The following RBKS variants were observed in gnomAD, a reference collection of about 807,000 sequenced individuals.
RBKS encodes the protein ribokinase.
Under a neutral mutation model 33.9 loss-of-function variants are expected in RBKS, and 33 were observed. The observed-to-expected ratio is 0.97, with a 90% CI of 0.74 to 1.30. The LOEUF (loss-of-function observed/expected upper bound fraction) is 1.30. Among genes scored for constraint, RBKS ranks in the 50% most tolerant of loss-of-function variants. RBKS has a pLI of 0.00. For missense variants in RBKS, 361 were observed against 392.6 expected (o/e 0.92, Z 0.68); for synonymous variants, 125 against 143.0 (o/e 0.87, Z 0.90).
intron 7 of RBKS, among the ~76,000 whole-genome samples, chr2:27,789,900 AGTGT>A (rs1029819436): frequency 1.1e-4 from 13 of 118,040 alleles, no homozygotes; most frequent in Admixed American, 3.3e-4. Flanking sequence ...GTGTGTATAG[AGTGT>A]GTGTGTGTGT....
At chr2:27,865,553 C>T (rs923609544) in intron 1 of RBKS, among the ~76,000 whole-genome samples, 1 of 149,150 alleles carries the variant, frequency 6.7e-6, no homozygotes. Flanking sequence ...TTATATTCTA[C>T]CTTCCCTTCT....
chr2:27,789,929 A>C (rs527351179), intron 7 of RBKS, among the ~76,000 whole-genome samples: 10 of 135,080 alleles, frequency 7.4e-5, no homozygotes, highest in Non-Finnish European at 1.1e-4. Context: ...GTGTGTGTAT[A>C]TATATATATA....
At chr2:27,860,794 C>T (rs1403044450) in intron 1 of RBKS, among the ~76,000 whole-genome samples, 1 of 152,200 alleles carries the variant, frequency 6.6e-6, no homozygotes, top group Non-Finnish European at 1.5e-5. Context: ...CCTTCCCCTA[C>T]TCTTGTCTCT....
intron 1 of RBKS, among the ~76,000 whole-genome samples, chr2:27,885,772 AG>A (rs1198471087): frequency 5.3e-5 from 8 of 152,210 alleles, no homozygotes; most frequent in African/African-American, 1.9e-4. Context: ...AAACTTCATG[AG>A]GCAGGGATTT....
rs1357104732 is a variant in RBKS at position 27,890,313 on chromosome 2, C to A, written c.33G>T (p.Trp11Cys). The change falls in exon 1 of 8, where the codon TGG becomes TGT. Residue 11 changes from tryptophan to cysteine, a missense_variant. Physicochemically the swap from Trp to Cys is radical, Grantham distance 215 (BLOSUM62 -2). Coordinates refer to ENST00000302188, the MANE Select transcript of RBKS (RefSeq NM_022128.3). The surrounding 1 kb of genome is among the most constrained non-coding windows in gnomAD (Gnocchi z 4.8). The part of the protein sequence containing the change: MAASGEPQRQ[W>C]QEEVAAVVVV... ...CTACCACCGCCGCCACCTCCTCTTG[C>A]CACTGCCTCTGGGGTTCCCCAGACG... 2 of 1,613,858 alleles carry A rather than the reference C, an allele frequency of 1.2e-6. No individual in the cohort carries two copies. Among genetic ancestry groups the A allele is most frequent in the Admixed American group, 3.3e-5 (2 of 60,024 alleles).
intron 2 of RBKS, among the ~76,000 whole-genome samples, chr2:27,855,010 T>C (rs1218121971): frequency 1.3e-5 from 2 of 152,186 alleles, no homozygotes; most frequent in East Asian, 3.9e-4. Flanking sequence ...TAAAATGCTC[T>C]TAAGAAGGTA....
intron 1 of RBKS, among the ~76,000 whole-genome samples, chr2:27,884,103 G>A (rs1349835580): frequency 6.6e-6 from 1 of 152,090 alleles, no homozygotes; most frequent in Non-Finnish European, 1.5e-5. Flanking sequence ...TCCTTTTTTA[G>A]TTTTTGAAAA....
chr2:27,876,054 G>A (rs1471848899), intron 1 of RBKS, among the ~76,000 whole-genome samples: 2 of 152,136 alleles, frequency 1.3e-5, no homozygotes, highest in Non-Finnish European at 2.9e-5. Context: ...AAGCAGTGTT[G>A]CTGTTATGGA....
intron 7 of RBKS, 47 bp downstream of exon 7, chr2:27,827,520 T>A: frequency 2.7e-6 from 4 of 1,466,378 alleles, no homozygotes; most frequent in Non-Finnish European, 3.6e-6. Context: ...AGTTACTAAG[T>A]AACAATTTTC....
intron 5 of RBKS, among the ~76,000 whole-genome samples, chr2:27,840,269 C>T (rs1663455521): frequency 6.6e-6 from 1 of 151,066 alleles, no homozygotes; most frequent in African/African-American, 2.4e-5. Context: ...ATCCACCCAC[C>T]TCGGCCTCCC....
intron 3 of RBKS, among the ~76,000 whole-genome samples, 181 bp from the exon 4 acceptor site, chr2:27,847,285 TAGAC>T (rs1324379545): frequency 1.3e-5 from 2 of 152,006 alleles, no homozygotes; most frequent in Admixed American, 6.6e-5. Context: ...ACAAGAAAAA[TAGAC>T]AGCTTTACAT....
At chr2:27,794,251 T>G (rs1677593766) in intron 7 of RBKS, among the ~76,000 whole-genome samples, 1 of 150,430 alleles carries the variant, frequency 6.6e-6, no homozygotes, top group African/African-American at 2.4e-5. Flanking sequence ...GAGCTGAGAT[T>G]GTGCCACTGC....
At chr2:27,835,146 C>T (rs1429510814) in intron 5 of RBKS, among the ~76,000 whole-genome samples, 2 of 151,598 alleles carry the variant, frequency 1.3e-5, no homozygotes, top group African/African-American at 4.8e-5. Context: ...CATGGTGGTG[C>T]GTGCCTGTAA....
chr2:27,877,578 C>T (rs1184961483), intron 1 of RBKS, among the ~76,000 whole-genome samples: 3 of 151,866 alleles, frequency 2.0e-5, no homozygotes, highest in Non-Finnish European at 4.4e-5. Context: ...ACCGCCCCTG[C>T]CCCCCCAATA....
At chr2:27,858,069 AC>A (rs1354088632) in intron 2 of RBKS, among the ~76,000 whole-genome samples, 5 of 152,242 alleles carry the variant, frequency 3.3e-5, no homozygotes, top group African/African-American at 1.2e-4. Context: ...ACAATGTTGT[AC>A]CTCAAAAACA....
intron 7 of RBKS, among the ~76,000 whole-genome samples, chr2:27,807,903 G>C (rs982281704): frequency 6.6e-6 from 1 of 152,150 alleles, no homozygotes; most frequent in Non-Finnish European, 1.5e-5. Context: ...TGTCACAGCA[G>C]GGAAAAAAAG....
chr2:27,844,958 A>G (rs546615260), intron 4 of RBKS, among the ~76,000 whole-genome samples: 9 of 152,298 alleles, frequency 5.9e-5, no homozygotes, highest in African/African-American at 1.9e-4. Context: ...CTCTCAACAC[A>G]GAACAAATTC....
In RBKS at chr2:27,890,206, G is replaced by C. The variant is rs758539982; in HGVS notation, c.89+51C>G. The stretch of plus-strand genomic sequence containing the variant: ...AAGCTCCACTGGGCGCATAGCGCAC[G>C]GCACGCCTCCTCCCCCGAGCCGCAG... On this transcript the variant is annotated intron_variant, in intron 1 of 7. Transcript: ENST00000302188. This position sits in a 1 kb window ranked among gnomAD's most constrained non-coding sequence, Gnocchi z 4.8. The C allele has an allele frequency of 1.4e-5, 22 of 1,563,514 alleles. No homozygotes were observed. The highest frequency in any genetic ancestry group is 5.3e-6 in the Non-Finnish European group (6 of 1,139,180).
intron 5 of RBKS, among the ~76,000 whole-genome samples, chr2:27,836,446 C>T (rs961293916): frequency 2.0e-5 from 3 of 152,072 alleles, no homozygotes; most frequent in African/African-American, 7.2e-5. Context: ...TAGCCATATG[C>T]AGAAGAATGA....
Sources: allele counts gnomAD v4.1 joint callset (sites outside exome capture counted in the v4.1 genomes callset), GRCh38; gene constraint gnomAD v4.1.1; non-coding constraint Gnocchi (gnomAD v3.1); transcripts MANE v1.5; gene names NCBI Gene and HGNC (gene_info 2026-07-23, HGNC 2026-07-21).